Variants in WDR37 observed in about 807,000 individuals in gnomAD.
WDR37 encodes WD repeat-containing protein 37.
In WDR37, 19 loss-of-function variants were observed where a neutral mutation model predicts 62.9. That is an observed-to-expected ratio of 0.30 (90% CI 0.21 to 0.44). WDR37 has a LOEUF of 0.44. Among genes scored for constraint, WDR37 ranks in the 20% least tolerant of loss-of-function variants. The probability of loss-of-function intolerance (pLI) is 1.00; values close to 1 mark genes in which losing one functional copy is unlikely to be tolerated. For synonymous variants in WDR37, 250 were observed against 260.9 expected (o/e 0.96, Z 0.40); for missense variants, 474 against 657.6 (o/e 0.72, Z 3.05).
rs71930905 is a variant in WDR37, at chr10:1,089,642, A to AGCCTTCCCGTGCTCACCCGCAGTTCG, written c.604+3333_604+3358dup. The stretch of plus-strand genomic sequence containing the variant: ...ACCTTCCCATGCTCACCCACAATTC[A>AGCCTTCCCGTGCTCACCCGCAGTTCG]GCCTTCCCGTGCTCACCCGCAGTTC... On this transcript the variant is annotated intron_variant, in intron 7 of 13. Coordinates refer to ENST00000263150, the MANE Select transcript of WDR37 (RefSeq NM_014023.4). Among the ~76,000 whole-genome samples, 432 of 151,250 alleles carry AGCCTTCCCGTGCTCACCCGCAGTTCG rather than the reference A, an allele frequency of 2.9e-3. 1 individual carries two copies. Among genetic ancestry groups the AGCCTTCCCGTGCTCACCCGCAGTTCG allele is most frequent in the Non-Finnish European group, 4.5e-3 (308 of 67,714 alleles).
intron 6 of WDR37, among the ~76,000 whole-genome samples, chr10:1,085,261 C>T (rs1306578918): frequency 2.6e-5 from 4 of 152,082 alleles, no homozygotes; most frequent in East Asian, 1.9e-4. Flanking sequence ...CGTGAGCCAT[C>T]GTGCCTGGCC....
At chr10:1,093,535 T>A (rs1290349930) in intron 8 of WDR37, 39 bp downstream of exon 8, 45 of 1,521,654 alleles carry the variant, frequency 3.0e-5, no homozygotes, top group Non-Finnish European at 3.8e-5. Flanking sequence ...AAATGATAGA[T>A]GGTCTTAAAA....
At chr10:1,063,417 GGTAA>G (rs1405138437) in intron 1 of WDR37, among the ~76,000 whole-genome samples, 1 of 151,536 alleles carries the variant, frequency 6.6e-6, no homozygotes, top group East Asian at 1.9e-4. Context: ...ACTTTTCGGC[GGTAA>G]GTACTTTCCT....
intron 8 of WDR37, among the ~76,000 whole-genome samples, chr10:1,095,403 C>A (rs1435552494): frequency 1.3e-5 from 2 of 150,372 alleles, no homozygotes; most frequent in Admixed American, 1.3e-4. Flanking sequence ...AGAGGGGAAA[C>A]GTGAGGTAAC....
intron 9 of WDR37, among the ~76,000 whole-genome samples, chr10:1,100,077 A>G (rs776900707): frequency 2.6e-5 from 4 of 152,270 alleles, no homozygotes; most frequent in African/African-American, 7.2e-5. Context: ...GTGAGAGGGA[A>G]GATTCATGTC....
chr10:1,126,180 CA>C (rs1835744766), intron 13 of WDR37, among the ~76,000 whole-genome samples: 1 of 152,076 alleles, frequency 6.6e-6, no homozygotes, highest in African/African-American at 2.4e-5. Context: ...CTGAGGCGGG[CA>C]GATCACGAGG....
intron 13 of WDR37, among the ~76,000 whole-genome samples, chr10:1,127,584 G>A (rs1191515461): frequency 6.6e-6 from 1 of 152,216 alleles, no homozygotes; most frequent in Non-Finnish European, 1.5e-5. Context: ...TGTAGTGCTG[G>A]AGTAGGTGTC....
chr10:1,067,376 A>T (rs1235925925), intron 1 of WDR37, among the ~76,000 whole-genome samples: 1 of 152,228 alleles, frequency 6.6e-6, no homozygotes, highest in African/African-American at 2.4e-5. Flanking sequence ...TTTGGCCCCT[A>T]GGGATTCATG....
chr10:1,126,127 T>C (rs1042715427), intron 13 of WDR37, among the ~76,000 whole-genome samples: 10 of 152,134 alleles, frequency 6.6e-5, no homozygotes, highest in African/African-American at 1.4e-4. Context: ...GGTCAGTGGC[T>C]GGTCGCAGTG....
At chr10:1,126,340 A>G (rs1387764573) in intron 13 of WDR37, among the ~76,000 whole-genome samples, 2 of 149,506 alleles carry the variant, frequency 1.3e-5, no homozygotes, top group South Asian at 2.1e-4. Flanking sequence ...CAGGAGGCGG[A>G]GCTTGCAGTG....
rs776266116 is a variant in WDR37 at position 1,072,133 on chromosome 10, C to T, written c.-23C>T. 1 of 1,613,146 alleles carries T rather than the reference C, an allele frequency of 6.2e-7. No individual in the cohort carries two copies. The highest frequency in any genetic ancestry group is 8.5e-7 in the Non-Finnish European group (1 of 1,179,506). ...GTTTTTAGCTTATTGCAGGAGTGAC[C>T]AGGACACTACCTCCTAGAAGTAATG... is the stretch of plus-strand genomic sequence containing the variant. On this transcript the variant is annotated 5_prime_UTR_variant, in exon 2 of 14. Coordinates refer to ENST00000263150, the MANE Select transcript of WDR37 (RefSeq NM_014023.4).
intron 1 of WDR37, among the ~76,000 whole-genome samples, chr10:1,059,996 C>T (rs1239414685): frequency 4.6e-5 from 7 of 152,138 alleles, no homozygotes; most frequent in African/African-American, 1.2e-4. Context: ...TGTACCATCA[C>T]GCCCAGCTGA....
chr10:1,057,313 G>GGGCGCTGGAGGGCCCGGGC (rs61571350), intron 1 of WDR37, among the ~76,000 whole-genome samples: 1 of 146,512 alleles, frequency 6.8e-6, no homozygotes, highest in Non-Finnish European at 1.5e-5. Flanking sequence ...GGAAGAGTCG[G>GGGCGCTGGAGGGCCCGGGC]GGCGCTGGAG....
intron 4 of WDR37, 52 bp from the exon 5 acceptor site, chr10:1,080,360 A>G (rs1833992474): frequency 6.2e-7 from 1 of 1,610,998 alleles, no homozygotes; most frequent in Non-Finnish European, 8.5e-7. Flanking sequence ...TTGTGAGGCT[A>G]TAGGTCTTTG....
At chr10:1,090,198 C>T (rs1834341000) in intron 7 of WDR37, among the ~76,000 whole-genome samples, 1 of 151,880 alleles carries the variant, frequency 6.6e-6, no homozygotes, top group African/African-American at 2.4e-5. Context: ...TTTGCTGTGT[C>T]ACCAGGCTGG....
rs1833835384 is a variant in WDR37 at position 1,075,125 on chromosome 10, A to G, written c.139-2782A>G. Among the ~76,000 whole-genome samples, 8 of 152,286 alleles carry G rather than the reference A, an allele frequency of 5.3e-5. No individual in the cohort carries two copies. The South Asian group carries it at 1.7e-3, about 32-fold the overall frequency. ...GGCACAGAAAGGGAGAACTGATGGA[A>G]AAGGTTGAAAGTCATTTTGTAAGCG... On this transcript the variant is annotated intron_variant, in intron 2 of 13. Transcript: ENST00000263150.
chr10:1,100,193 G>A (rs1411796980), intron 9 of WDR37, among the ~76,000 whole-genome samples: 1 of 152,102 alleles, frequency 6.6e-6, no homozygotes, highest in Non-Finnish European at 1.5e-5. Context: ...TTCTCATATT[G>A]ATAGCTGCCA....
intron 2 of WDR37, among the ~76,000 whole-genome samples, chr10:1,075,699 G>A (rs961488712): frequency 4.6e-5 from 7 of 152,032 alleles, no homozygotes; most frequent in African/African-American, 1.7e-4. Context: ...GTGGGAATGG[G>A]GCGTGCAGAG....
chr10:1,090,827 G>A (rs1173174823), intron 7 of WDR37, among the ~76,000 whole-genome samples: 1 of 152,186 alleles, frequency 6.6e-6, no homozygotes, highest in African/African-American at 2.4e-5. Flanking sequence ...GGTAGCCGTG[G>A]CTGGCATCCC....
Sources: gnomAD v4.1 joint callset for allele counts (sites outside exome capture counted in the v4.1 genomes callset) on GRCh38, gnomAD v4.1.1 for gene constraint, MANE v1.5 for transcripts, NCBI Gene and HGNC (gene_info 2026-07-23, HGNC 2026-07-21) for gene names.